The following KMT2C variants were observed in gnomAD, a reference collection of about 807,000 sequenced individuals.
KMT2C encodes the protein lysine methyltransferase 2C.
KMT2C carries 88 observed loss-of-function variants against 507.9 expected under a neutral mutation model. The ratio of observed to expected loss-of-function variants is 0.17; its 90% confidence interval spans 0.15 to 0.21. The LOEUF (loss-of-function observed/expected upper bound fraction) is 0.21, where lower values mean the gene tolerates loss of function less well. Ranked by LOEUF, KMT2C falls within the 10% of genes least tolerant of loss-of-function variation. KMT2C has a pLI of 1.00. For missense variants in KMT2C, 4,954 were observed against 5,957.8 expected, an observed-to-expected ratio of 0.83 and a Z score of 5.55; for synonymous variants, 2,049 against 2,080.8, an observed-to-expected ratio of 0.98 and a Z score of 0.42.
At chr7:152,353,958 T>C (rs1270744712) in intron 2 of KMT2C, among the ~76,000 whole-genome samples, 13 of 148,838 alleles carry the variant, frequency 8.7e-5, no homozygotes, top group Admixed American at 7.9e-4. Context: ...TAGAAATTTA[T>C]GGAACAAACT....
intron 1 of KMT2C, among the ~76,000 whole-genome samples, chr7:152,369,308 G>A (rs1362999929): frequency 2.6e-5 from 4 of 151,396 alleles, no homozygotes; most frequent in African/African-American, 9.7e-5. Flanking sequence ...GGGCAACAGA[G>A]TGAGGCCCTG....
intron 2 of KMT2C, among the ~76,000 whole-genome samples, chr7:152,333,079 T>C (rs938680262): frequency 2.0e-5 from 3 of 152,198 alleles, no homozygotes; most frequent in Admixed American, 2.0e-4. Context: ...TCTCTTCAGC[T>C]GATTTCCTTT....
intron 14 of KMT2C, 49 bp from the exon 15 acceptor site, chr7:152,238,875 A>G (rs749755402): frequency 1.4e-5 from 21 of 1,535,320 alleles, no homozygotes; most frequent in Middle Eastern, 2.3e-4. Context: ...CAGCAACATA[A>G]AAGGTCAAAG....
chr7:152,420,323 T>A (rs2097770028), intron 1 of KMT2C, among the ~76,000 whole-genome samples: 1 of 152,214 alleles, frequency 6.6e-6, no homozygotes, highest in South Asian at 2.1e-4. Flanking sequence ...TGAACCTTTG[T>A]GACTGATGCC....
intron 18 of KMT2C, 49 bp from the exon 19 acceptor site, chr7:152,224,665 A>C (rs2094873851): frequency 1.1e-6 from 1 of 876,224 alleles, no homozygotes; most frequent in South Asian, 1.5e-5. Context: ...AACCTAACAT[A>C]ATCAAATATA....
At chr7:152,222,870 A>C (rs889305663) in intron 20 of KMT2C, among the ~76,000 whole-genome samples, 188 bp from the exon 21 acceptor site, 2 of 152,252 alleles carry the variant, frequency 1.3e-5, no homozygotes, top group African/African-American at 2.4e-5. Context: ...AGAAGGAAAT[A>C]AAAAGGAATG....
intron 3 of KMT2C, among the ~76,000 whole-genome samples, chr7:152,324,323 A>C (rs1237652072): frequency 6.6e-6 from 1 of 151,566 alleles, no homozygotes; most frequent in Non-Finnish European, 1.5e-5. Context: ...CTTAAGAGTA[A>C]ATTTCAAGTA....
rs2090949568 is a variant in KMT2C at position 152,144,906 on chromosome 7, G to GA, written c.14175-26dup. On this transcript the variant is annotated intron_variant, in intron 54 of 58. Coordinates refer to ENST00000262189, the MANE Select transcript of KMT2C (RefSeq NM_170606.3). The surrounding 1 kb of genome is among the most constrained non-coding windows in gnomAD (Gnocchi z 4.4). ...CCTGCAGACAATGGCATATCAACAG[G>GA]AAAAAAATACAAGGAAAACTGAAGA... The GA allele has an allele frequency of 3.8e-6, 6 of 1,582,920 alleles. No individual in the cohort carries two copies. The highest frequency in any genetic ancestry group is 1.1e-5 in the South Asian group (1 of 88,162).
intron 1 of KMT2C, among the ~76,000 whole-genome samples, chr7:152,409,435 G>A (rs1181669013): frequency 6.6e-6 from 1 of 152,032 alleles, no homozygotes; most frequent in East Asian, 1.9e-4. Flanking sequence ...CTGGTTAAGT[G>A]GGCCAGGTGC....
intron 6 of KMT2C, among the ~76,000 whole-genome samples, chr7:152,300,819 G>GGAGGCT (rs1563779784): frequency 1.3e-5 from 2 of 152,100 alleles, no homozygotes; most frequent in Non-Finnish European, 2.9e-5. Flanking sequence ...CAGCACTTTG[G>GGAGGCT]GAGGCTGAGG....
intron 36 of KMT2C, 52 bp from the exon 37 acceptor site, chr7:152,180,178 T>C (rs2093383781): frequency 6.3e-7 from 1 of 1,589,500 alleles, no homozygotes; most frequent in East Asian, 2.2e-5. Context: ...TAATGGCTTT[T>C]TAAAGGTTAC....
At chr7:152,252,220 T>G in intron 10 of KMT2C, 130 bp from the exon 11 acceptor site, 1 of 655,112 alleles carries the variant, frequency 1.5e-6, no homozygotes, top group Non-Finnish European at 2.5e-6. Flanking sequence ...GTTAGAGGAG[T>G]TGCTAACTGA....
chr7:152,295,885 T>C (rs2096488409), intron 6 of KMT2C, among the ~76,000 whole-genome samples: 1 of 150,400 alleles, frequency 6.6e-6, no homozygotes, highest in South Asian at 2.1e-4. Context: ...GCTAACACGG[T>C]GAAACCCCGT....
At chr7:152,384,492 A>G (rs1323115727) in intron 1 of KMT2C, among the ~76,000 whole-genome samples, 2 of 149,908 alleles carry the variant, frequency 1.3e-5, no homozygotes, top group Non-Finnish European at 3.0e-5. Context: ...ATAACTCCAG[A>G]GCTCTTTCCT....
intron 18 of KMT2C, among the ~76,000 whole-genome samples, chr7:152,225,317 G>C (rs192437116): frequency 6.6e-6 from 1 of 152,218 alleles, no homozygotes; most frequent in East Asian, 1.9e-4. Context: ...CAAGTAATGA[G>C]GGTACAGAAT....
chr7:152,388,096 CA>C (rs1420870517), intron 1 of KMT2C, among the ~76,000 whole-genome samples: 1,692 of 119,028 alleles, frequency 0.014, 23 homozygotes, highest in African/African-American at 0.035. Flanking sequence ...GTAACCTCTT[CA>C]AAAAAAAAAA....
intron 22 of KMT2C, among the ~76,000 whole-genome samples, chr7:152,221,367 A>T (rs533356704): frequency 6.6e-6 from 1 of 152,364 alleles, no homozygotes; most frequent in Non-Finnish European, 1.5e-5. Flanking sequence ...CGTAGAAAAG[A>T]TCAAAAGGCA....
At chr7:152,253,514 C>CAAAAAAAAAAAAAAAAAAAAAAAAAA (rs71198770) in intron 9 of KMT2C, among the ~76,000 whole-genome samples, 2 of 39,516 alleles carry the variant, frequency 5.1e-5, no homozygotes, top group African/African-American at 1.6e-4. Context: ...TCTTTCTCTA[C>CAAAAAAAAAAAAAAAAAAAAAAAAAA]AAAAAAAAAA....
intron 33 of KMT2C, among the ~76,000 whole-genome samples, chr7:152,186,621 T>C (rs532460143): frequency 2.6e-5 from 4 of 152,376 alleles, no homozygotes; most frequent in South Asian, 4.1e-4. Flanking sequence ...AGTTTGTGTA[T>C]TGATAGATAG....
Sources: allele counts gnomAD v4.1 joint callset (sites outside exome capture counted in the v4.1 genomes callset), GRCh38; gene constraint gnomAD v4.1.1; non-coding constraint Gnocchi (gnomAD v3.1); transcripts MANE v1.5; gene names NCBI Gene and HGNC (gene_info 2026-07-23, HGNC 2026-07-21).